LRMDA: variants seen among roughly 807,000 people sequenced by gnomAD.
LRMDA encodes leucine rich melanocyte differentiation associated.
LRMDA carries 18 observed loss-of-function variants against 29.8 expected under a neutral mutation model. That is an observed-to-expected ratio of 0.60 (90% CI 0.42 to 0.90). The LOEUF (loss-of-function observed/expected upper bound fraction) is 0.90. LRMDA is among the 40% of genes least tolerant of loss of function. The probability of loss-of-function intolerance (pLI) is 0.00; values close to 1 mark genes in which losing one functional copy is unlikely to be tolerated. For synonymous variants in LRMDA, 125 were observed against 109.4 expected, an observed-to-expected ratio of 1.14 and a Z score of -0.89; for missense variants, 273 against 273.9, an observed-to-expected ratio of 1.00 and a Z score of 0.02.
chr10:76,485,621 T>C (rs1842773672), intron 6 of LRMDA, among the ~76,000 whole-genome samples: 1 of 151,968 alleles, frequency 6.6e-6, no homozygotes, highest in East Asian at 1.9e-4. Context: ...TTCATATCTA[T>C]CTGGATTTCT....
At chr10:75,819,697 G>C (rs1844123572) in intron 2 of LRMDA, among the ~76,000 whole-genome samples, 1 of 152,096 alleles carries the variant, frequency 6.6e-6, no homozygotes, top group Admixed American at 6.6e-5. Flanking sequence ...CTTGGGATAG[G>C]TCTCTGGAGG....
chr10:75,588,847 T>C (rs536873889), intron 2 of LRMDA, among the ~76,000 whole-genome samples: 1 of 152,342 alleles, frequency 6.6e-6, no homozygotes, highest in South Asian at 2.1e-4. Context: ...GTCTTTGTCA[T>C]TTATAAAAAA....
intron 2 of LRMDA, among the ~76,000 whole-genome samples, chr10:75,818,236 TG>T (rs997322367): frequency 8.0e-4 from 122 of 152,270 alleles, no homozygotes; most frequent in African/African-American, 2.7e-3. Context: ...TGAGGGGGTT[TG>T]TGGGGTAAGA....
chr10:75,578,238 A>AAAAAAAAAAAAAC (rs1564805418), intron 2 of LRMDA, among the ~76,000 whole-genome samples: 1 of 147,940 alleles, frequency 6.8e-6, no homozygotes, highest in Non-Finnish European at 1.5e-5. Flanking sequence ...AAAAAAAAAA[A>AAAAAAAAAAAAAC]AGCAGCAGTT....
At chr10:75,741,847 T>G (rs897832951) in intron 2 of LRMDA, among the ~76,000 whole-genome samples, 2 of 152,070 alleles carry the variant, frequency 1.3e-5, no homozygotes, top group African/African-American at 4.8e-5. Flanking sequence ...AGCCCCAGTG[T>G]GATGGTTTTA....
chr10:75,493,856 C>T (rs1170551089), intron 2 of LRMDA, among the ~76,000 whole-genome samples: 1 of 151,786 alleles, frequency 6.6e-6, no homozygotes, highest in Non-Finnish European at 1.5e-5. Context: ...TTAGGTAGCT[C>T]CTGGTCTTGA....
intron 5 of LRMDA, among the ~76,000 whole-genome samples, chr10:76,238,196 A>G (rs1026353518): frequency 1.3e-5 from 2 of 152,136 alleles, no homozygotes; most frequent in Non-Finnish European, 2.9e-5. Flanking sequence ...CTTGTTCTAG[A>G]GGGGAAGAGA....
At chr10:75,908,383 A>G (rs1479165907) in intron 2 of LRMDA, among the ~76,000 whole-genome samples, 2 of 152,174 alleles carry the variant, frequency 1.3e-5, no homozygotes, top group Non-Finnish European at 1.5e-5. Flanking sequence ...GCTGACCCAT[A>G]TATTAGCTTC....
At chr10:75,799,510 CT>C (rs1031785034) in intron 2 of LRMDA, among the ~76,000 whole-genome samples, 1 of 151,154 alleles carries the variant, frequency 6.6e-6, no homozygotes, top group Non-Finnish European at 1.5e-5. Flanking sequence ...GTCTGATAAT[CT>C]TTTTCTTTTT....
At chr10:75,674,210 T>G (rs557546963) in intron 2 of LRMDA, among the ~76,000 whole-genome samples, 98 of 152,336 alleles carry the variant, frequency 6.4e-4, no homozygotes, top group African/African-American at 2.3e-3. Flanking sequence ...TTTATTTCAT[T>G]TGATTAAGCC....
intron 2 of LRMDA, among the ~76,000 whole-genome samples, chr10:75,607,911 T>G (rs1342828931): frequency 7.0e-6 from 1 of 143,674 alleles, no homozygotes; most frequent in African/African-American, 2.6e-5. Flanking sequence ...TATCCAAACA[T>G]GAAGTGGTTG....
At chr10:75,831,011 C>T (rs1844332464) in intron 2 of LRMDA, among the ~76,000 whole-genome samples, 1 of 152,036 alleles carries the variant, frequency 6.6e-6, no homozygotes, top group African/African-American at 2.4e-5. Context: ...GGGCTATTGG[C>T]CCCATGCAAA....
intron 6 of LRMDA, among the ~76,000 whole-genome samples, chr10:76,344,387 A>G (rs1483747393): frequency 6.6e-6 from 1 of 152,174 alleles, no homozygotes; most frequent in Non-Finnish European, 1.5e-5. Flanking sequence ...AAGGGTGTGC[A>G]CAAGAATTCT....
chr10:75,455,191 TG>T (rs902765856), intron 2 of LRMDA, among the ~76,000 whole-genome samples: 2 of 152,042 alleles, frequency 1.3e-5, no homozygotes, highest in African/African-American at 4.8e-5. Flanking sequence ...TAAATGAGAG[TG>T]GGAACTGCCC....
intron 6 of LRMDA, among the ~76,000 whole-genome samples, chr10:76,391,958 A>G (rs1407698031): frequency 6.6e-6 from 1 of 152,212 alleles, no homozygotes; most frequent in African/African-American, 2.4e-5. Flanking sequence ...AACATAAATG[A>G]TATTTTAAAA....
chr10:76,249,587 G>A (rs1373096155), intron 5 of LRMDA, among the ~76,000 whole-genome samples: 3 of 152,098 alleles, frequency 2.0e-5, no homozygotes, highest in Non-Finnish European at 4.4e-5. Context: ...CATTCAAAGA[G>A]GCAGACATTG....
At chr10:76,448,209 C>T (rs193021866) in intron 6 of LRMDA, among the ~76,000 whole-genome samples, 77 of 152,204 alleles carry the variant, frequency 5.1e-4, no homozygotes, top group African/African-American at 1.9e-3. Flanking sequence ...AGAATTCACA[C>T]TATATATTTC....
At chr10:75,818,120 A>G (rs1212354669) in intron 2 of LRMDA, among the ~76,000 whole-genome samples, 2 of 152,150 alleles carry the variant, frequency 1.3e-5, no homozygotes, top group African/African-American at 2.4e-5. Flanking sequence ...TCCTTTTTCA[A>G]ATGTCCTCCA....
At chr10:76,493,258 T>A (rs967515851) in intron 6 of LRMDA, among the ~76,000 whole-genome samples, 8 of 152,032 alleles carry the variant, frequency 5.3e-5, no homozygotes, top group African/African-American at 1.7e-4. Context: ...CACGGGTAGA[T>A]GAGCCGCTCC....
Sources: allele counts gnomAD v4.1 joint callset (sites outside exome capture counted in the v4.1 genomes callset), GRCh38; gene constraint gnomAD v4.1.1; transcripts MANE v1.5; gene names NCBI Gene and HGNC (gene_info 2026-07-23, HGNC 2026-07-21).